GABRB2: variants seen among roughly 807,000 people sequenced by gnomAD.
GABRB2 encodes the protein gamma-aminobutyric acid type A receptor subunit beta2, also known as gamma-aminobutyric acid receptor subunit beta-2.
Under a neutral mutation model 54.7 loss-of-function variants are expected in GABRB2, and 16 were observed. That is an observed-to-expected ratio of 0.29 (90% CI 0.20 to 0.44). The LOEUF (loss-of-function observed/expected upper bound fraction) is 0.44, where lower values mean the gene tolerates loss of function less well. Ranked by LOEUF, GABRB2 falls within the 20% of genes least tolerant of loss-of-function variation. The probability of loss-of-function intolerance (pLI) is 1.00; values close to 1 mark genes in which losing one functional copy is unlikely to be tolerated. For synonymous variants in GABRB2, 244 were observed against 233.8 expected, an observed-to-expected ratio of 1.04 and a Z score of -0.40; for missense variants, 355 against 644.0, an observed-to-expected ratio of 0.55 and a Z score of 4.86.
intron 4 of GABRB2, among the ~76,000 whole-genome samples, chr5:161,417,242 C>T (rs560675904): frequency 1.1e-4 from 17 of 152,314 alleles, no homozygotes; most frequent in African/African-American, 3.6e-4. Context: ...AGTTAGGTGA[C>T]TTTCACTTTG....
chr5:161,469,329 C>A (rs75256520), intron 3 of GABRB2, among the ~76,000 whole-genome samples: 1,950 of 151,876 alleles, frequency 0.013, 27 homozygotes, highest in East Asian at 0.057. Flanking sequence ...AATGAGAAGT[C>A]TCTACCTTTA....
intron 9 of GABRB2, among the ~76,000 whole-genome samples, chr5:161,309,385 A>T (rs1757792310): frequency 6.6e-6 from 1 of 152,168 alleles, no homozygotes; most frequent in Non-Finnish European, 1.5e-5. Context: ...GTGGAGAAAA[A>T]GGGATGCTTA....
intron 5 of GABRB2, among the ~76,000 whole-genome samples, chr5:161,376,540 G>C (rs533497276): frequency 5.3e-5 from 8 of 152,114 alleles, no homozygotes; most frequent in African/African-American, 1.9e-4. Context: ...AGGGAGTGAG[G>C]TTGCAGAAAC....
intron 3 of GABRB2, among the ~76,000 whole-genome samples, chr5:161,484,012 C>A (rs1209763971): frequency 6.6e-6 from 1 of 151,636 alleles, no homozygotes; most frequent in African/African-American, 2.4e-5. Flanking sequence ...CTTTACCAAT[C>A]TAACTGTTGT....
chr5:161,301,684 A>T (rs954533658), intron 9 of GABRB2, among the ~76,000 whole-genome samples: 2 of 152,184 alleles, frequency 1.3e-5, no homozygotes, highest in African/African-American at 4.8e-5. Context: ...TCTGCAGATA[A>T]ATTGCCTTTA....
chr5:161,418,612 A>G (rs892783978), intron 4 of GABRB2, among the ~76,000 whole-genome samples: 6 of 152,204 alleles, frequency 3.9e-5, no homozygotes, highest in Non-Finnish European at 5.9e-5. Flanking sequence ...AAGACTTCAA[A>G]AGCAAATGCA....
At chr5:161,448,322 C>T (rs1281827480) in intron 4 of GABRB2, among the ~76,000 whole-genome samples, 1 of 152,010 alleles carries the variant, frequency 6.6e-6, no homozygotes, top group African/African-American at 2.4e-5. Flanking sequence ...ACTGGGGAGG[C>T]TGAGGTAGGA....
Position 161,545,281 on chromosome 5 carries a change from A to G in GABRB2, c.183T>C (p.Ala61=). 4 of 1,602,848 alleles carry G rather than the reference A, an allele frequency of 2.5e-6. No homozygotes were observed. The highest frequency in any genetic ancestry group is 3.4e-6 in the Non-Finnish European group (4 of 1,175,922). ...LRPDFGGPPV[A]VGMNIDIASI... is the part of the protein sequence containing the mutation. ...TGGCAATGTCAATGTTCATCCCCAC[A>G]GCCACGGGGGGACCTGCAAAGCAAG... Residue 61 remains alanine, a synonymous_variant, in exon 3 of 10, where the codon GCT becomes GCC. Transcript: ENST00000393959.
In GABRB2 at chr5:161,293,917, A is replaced by C. The variant is rs760599556; in HGVS notation, c.*164T>G. 43 of 617,372 alleles carry C rather than the reference A, an allele frequency of 7.0e-5. No individual in the cohort carries two copies. The highest frequency in any genetic ancestry group is 1.2e-4 in the Non-Finnish European group (41 of 352,570). 38.2% of individuals were successfully genotyped at this position (617,372 alleles called of 1,614,324 possible). ...GACCTTAGTGTATTCATTACTTAGC[A>C]GAAGCAACCCAAATGGTATGAAATG... On this transcript the variant is annotated 3_prime_UTR_variant, in exon 10 of 10. Coordinates refer to ENST00000393959, the MANE Select transcript of GABRB2 (RefSeq NM_001371727.1).
intron 3 of GABRB2, among the ~76,000 whole-genome samples, chr5:161,469,582 T>G (rs114801018): frequency 1.6e-3 from 240 of 152,124 alleles, no homozygotes; most frequent in African/African-American, 5.7e-3. Flanking sequence ...TCAGTCTTCT[T>G]CACCTCACCA....
At chr5:161,326,895 GA>G (rs1758380412) in intron 8 of GABRB2, 1 of 694,644 alleles carries the variant, frequency 1.4e-6, no homozygotes, top group Admixed American at 6.3e-5. Context: ...AGAATAACTT[GA>G]TTCTCAAATA....
At chr5:161,367,508 T>C (rs1755004979) in intron 5 of GABRB2, among the ~76,000 whole-genome samples, 1 of 151,758 alleles carries the variant, frequency 6.6e-6, no homozygotes, top group Admixed American at 6.6e-5. Context: ...GTATTTTTTT[T>C]CTCTAAAAGC....
chr5:161,394,617 G>T (rs1167568372), intron 5 of GABRB2, among the ~76,000 whole-genome samples: 1 of 151,940 alleles, frequency 6.6e-6, no homozygotes, highest in Non-Finnish European at 1.5e-5. Flanking sequence ...AAATTATTGA[G>T]AACTAAAATG....
intron 5 of GABRB2, among the ~76,000 whole-genome samples, chr5:161,352,897 T>A (rs1395004639): frequency 6.6e-6 from 1 of 152,106 alleles, no homozygotes; most frequent in African/African-American, 2.4e-5. Flanking sequence ...ACGGTCTTAG[T>A]AGAACAAACA....
intron 5 of GABRB2, among the ~76,000 whole-genome samples, chr5:161,386,953 G>C (rs1192840467): frequency 6.6e-6 from 1 of 152,092 alleles, no homozygotes; most frequent in Non-Finnish European, 1.5e-5. Flanking sequence ...TTGGGATGGA[G>C]GAGGAGGTAC....
rs1758963006 is a variant in GABRB2 at position 161,487,476 on chromosome 5, A to T, written c.238-27632T>A. The stretch of plus-strand genomic sequence containing the variant: ...TACTATTTGGGTTGAAAACTATGGA[A>T]CTTGAATGAAAGGGAAACACTCAAA... On this transcript the variant is annotated intron_variant, in intron 3 of 9. Transcript: ENST00000393959. 2.0e-5 allele frequency among the ~76,000 whole-genome samples: 3 copies of T among 151,910 alleles called. No individual in the cohort carries two copies. In the South Asian group the frequency reaches 6.2e-4, roughly 31 times the overall value.
chr5:161,400,723 G>T (rs2113078216), intron 5 of GABRB2, among the ~76,000 whole-genome samples: 2 of 152,254 alleles, frequency 1.3e-5, no homozygotes, highest in South Asian at 2.1e-4. Context: ...CCTTGTAACT[G>T]CTCCTGGCTG....
At chr5:161,417,135 A>C (rs1454466258) in intron 4 of GABRB2, among the ~76,000 whole-genome samples, 3 of 152,228 alleles carry the variant, frequency 2.0e-5, no homozygotes, top group African/African-American at 7.2e-5. Flanking sequence ...TGTGTCTCAC[A>C]ACCATTTTAG....
At chr5:161,381,897 G>A (rs1187276971) in intron 5 of GABRB2, among the ~76,000 whole-genome samples, 1 of 152,116 alleles carries the variant, frequency 6.6e-6, no homozygotes, top group Admixed American at 6.6e-5. Context: ...CAGATAAAAT[G>A]ATATTTATAT....
Sources: allele counts gnomAD v4.1 joint callset (sites outside exome capture counted in the v4.1 genomes callset), GRCh38; gene constraint gnomAD v4.1.1; transcripts MANE v1.5; gene names NCBI Gene and HGNC (gene_info 2026-07-23, HGNC 2026-07-21).